UVSSA: variants seen among roughly 807,000 people sequenced by gnomAD.
UVSSA encodes UV stimulated scaffold protein A, also known as UV-stimulated scaffold protein A.
UVSSA carries 72 observed loss-of-function variants against 73.9 expected under a neutral mutation model. That is an observed-to-expected ratio of 0.97 (90% CI 0.81 to 1.19). The LOEUF is 1.19. Among genes scored for constraint, UVSSA ranks in the 50% most tolerant of loss-of-function variants. The probability of loss-of-function intolerance (pLI) is 0.00; values close to 1 mark genes in which losing one functional copy is unlikely to be tolerated. For missense variants in UVSSA, 1,150 were observed against 965.0 expected, an observed-to-expected ratio of 1.19 and a Z score of -2.54; for synonymous variants, 454 against 391.3, an observed-to-expected ratio of 1.16 and a Z score of -1.89.
intron 8 of UVSSA, among the ~76,000 whole-genome samples, chr4:1,373,614 T>G (rs1560470606): frequency 6.6e-6 from 1 of 152,232 alleles, no homozygotes; most frequent in East Asian, 1.9e-4. Context: ...GTTTTTCCTC[T>G]GTCTCCTCTG....
At chr4:1,345,141 G>A (rs968835412), upstream of UVSSA, among the ~76,000 whole-genome samples, 1 of 152,190 alleles carries the variant, frequency 6.6e-6, no homozygotes, top group African/African-American at 2.4e-5. Context: ...CAGGGTGCAA[G>A]GGAAAGACAA....
intron 8 of UVSSA, among the ~76,000 whole-genome samples, chr4:1,368,679 A>G (rs939659606): frequency 6.6e-6 from 1 of 152,212 alleles, no homozygotes; most frequent in Non-Finnish European, 1.5e-5. Flanking sequence ...ACAGGTAGGC[A>G]CTGGGCTTGG....
At chr4:1,349,350 G>A (rs1331661905) in intron 2 of UVSSA, among the ~76,000 whole-genome samples, 174 bp from the exon 3 acceptor site, 2 of 152,248 alleles carry the variant, frequency 1.3e-5, no homozygotes, top group Non-Finnish European at 2.9e-5. Flanking sequence ...TGGGGAGGTA[G>A]ATGTGGCCCT....
chr4:1,371,452 A>G (rs1194723761), intron 8 of UVSSA, among the ~76,000 whole-genome samples: 2 of 152,100 alleles, frequency 1.3e-5, no homozygotes, highest in African/African-American at 4.8e-5. Context: ...TTCTTTCGTC[A>G]GTTCCGCGTG....
At chr4:1,377,145 G>A (rs1478533727) in intron 10 of UVSSA, among the ~76,000 whole-genome samples, 1 of 152,196 alleles carries the variant, frequency 6.6e-6, no homozygotes, top group Non-Finnish European at 1.5e-5. Flanking sequence ...GGGGGGGCAG[G>A]GGAGCCGGGC....
exon 14 of UVSSA, chr4:1,395,740 T>TC (rs1720535983): frequency 6.2e-7 from 1 of 1,614,138 alleles, no homozygotes; most frequent in South Asian, 1.1e-5. Context: ...AGGTTTCCTG[T>TC]CCTGCCGGCC....
chr4:1,354,041 GCT>G (rs1715247245), intron 5 of UVSSA, among the ~76,000 whole-genome samples: 1 of 151,830 alleles, frequency 6.6e-6, no homozygotes, highest in South Asian at 2.1e-4. Flanking sequence ...GCTTCAAATC[GCT>G]CTCTTTGAGG....
chr4:1,380,526 G>T (rs763271680), intron 11 of UVSSA: 61 of 985,518 alleles, frequency 6.2e-5, no homozygotes, highest in Middle Eastern at 5.0e-4. Flanking sequence ...GGTCTGTGCT[G>T]GGCCTGGGAT....
At chr4:1,348,421 T>A (rs1714076594) in intron 2 of UVSSA, among the ~76,000 whole-genome samples, 1 of 152,238 alleles carries the variant, frequency 6.6e-6, no homozygotes, top group African/African-American at 2.4e-5. Context: ...TCATTCCCAT[T>A]TGTGTGGTCT....
In UVSSA at chr4:1,383,733, A is replaced by G. The variant is rs530395535; in HGVS notation, c.1862-33A>G. On this transcript the variant is annotated intron_variant, in intron 12 of 13. Coordinates refer to ENST00000389851, the MANE Select transcript of UVSSA (RefSeq NM_020894.4). ...GGTAAGAGGCTCTGGTCAGTGCCAG[A>G]CGTCTCCTGAAGTGCTTGAGTTTTG... is the stretch of plus-strand genomic sequence containing the variant. 28 of 1,611,448 alleles carry G rather than the reference A, an allele frequency of 1.7e-5. No individual in the cohort carries two copies. The African/African-American group carries it at 3.6e-4, about 21-fold the overall frequency.
At chr4:1,377,270 T>C (rs1224217704) in intron 10 of UVSSA, among the ~76,000 whole-genome samples, 1 of 152,114 alleles carries the variant, frequency 6.6e-6, no homozygotes, top group African/African-American at 2.4e-5. Context: ...CCTGGCACAT[T>C]GTCCACAGCT....
At chr4:1,349,444 C>G (rs945822838) in intron 2 of UVSSA, 80 bp from the exon 3 acceptor site, 1 of 1,350,614 alleles carries the variant, frequency 7.4e-7, no homozygotes, top group Non-Finnish European at 1.0e-6. Context: ...CACGTGCGTG[C>G]GGCATCCATG....
At chr4:1,379,464 G>A (rs370239879) in intron 10 of UVSSA, among the ~76,000 whole-genome samples, 29 of 152,358 alleles carry the variant, frequency 1.9e-4, no homozygotes, top group Non-Finnish European at 2.2e-4. Flanking sequence ...ACAGCAGAGC[G>A]TGGGAGCGGA....
rs773664239 is a variant in UVSSA, at chr4:1,355,260, G to A, written c.1176+15G>A. The A allele has an allele frequency of 4.4e-6, 7 of 1,602,664 alleles. No homozygotes were observed. Among genetic ancestry groups the A allele is most frequent in the South Asian group, 3.4e-5 (3 of 89,078 alleles). On this transcript the variant is annotated intron_variant, in intron 7 of 13. Transcript: ENST00000389851. ...AAAGGCGCAGGGTGAGTGGGCAGGC[G>A]GCGAGCGGGAAGGGGTCCCAGAGGC... is the stretch of plus-strand genomic sequence containing the variant.
At chr4:1,395,717 A>G (rs779733970) in exon 14 of UVSSA, 8 of 1,614,044 alleles carry the variant, frequency 5.0e-6, no homozygotes, top group Middle Eastern at 3.3e-4. Context: ...AAGCCCTGGC[A>G]TGGTGGTTCT....
chr4:1,355,694 T>C (rs541491318), intron 7 of UVSSA, among the ~76,000 whole-genome samples: 1 of 152,176 alleles, frequency 6.6e-6, no homozygotes, highest in Non-Finnish European at 1.5e-5. Flanking sequence ...CTTGGGTTAC[T>C]GTCTGCTGGG....
intron 8 of UVSSA, among the ~76,000 whole-genome samples, chr4:1,368,649 A>G (rs1032520582): frequency 2.6e-5 from 4 of 152,220 alleles, no homozygotes; most frequent in Non-Finnish European, 5.9e-5. Flanking sequence ...TGCTGCAGGT[A>G]CACCGAGCCT....
Position 1,380,235 on chromosome 4 carries a change from G to A in UVSSA, c.1752+5G>A, listed in dbSNP as rs1389349465. On this transcript the variant is annotated splice_donor_5th_base_variant and intron_variant, in intron 11 of 13. Transcript: ENST00000389851. Reference sequence around the variant, plus strand: ...GAGCGCCAAGACCGGCTGAAGGTGAGGCCGTGGCCCGAGGGCGGGGGTGGG... The same window carrying A: ...GAGCGCCAAGACCGGCTGAAGGTGAAGCCGTGGCCCGAGGGCGGGGGTGGG... The A allele has an allele frequency of 4.4e-6, 7 of 1,607,552 alleles. No individual in the cohort carries two copies. The African/African-American group carries it at 8.0e-5, about 18-fold the overall frequency.
At chr4:1,394,125 C>A in exon 14 of UVSSA, 1 of 355,294 alleles carries the variant, frequency 2.8e-6, no homozygotes, top group Non-Finnish European at 5.2e-6. Context: ...CAAAGCCAGC[C>A]AGAGGTGAGG....
Sources: gnomAD v4.1 joint callset for allele counts (sites outside exome capture counted in the v4.1 genomes callset) on GRCh38, gnomAD v4.1.1 for gene constraint, MANE v1.5 for transcripts, NCBI Gene and HGNC (gene_info 2026-07-23, HGNC 2026-07-21) for gene names.